SLC4A10: variants seen among roughly 807,000 people sequenced by gnomAD.
The protein encoded by SLC4A10 is solute carrier family 4 member 10.
Under a neutral mutation model 137.7 loss-of-function variants are expected in SLC4A10, and 42 were observed. That is an observed-to-expected ratio of 0.30 (90% CI 0.24 to 0.39). The LOEUF (loss-of-function observed/expected upper bound fraction) is 0.39. SLC4A10 is among the 10% of genes least tolerant of loss of function. SLC4A10 has a pLI of 1.00. For synonymous variants in SLC4A10, 474 were observed against 464.1 expected (o/e 1.02, Z -0.27); for missense variants, 925 against 1,355.0 (o/e 0.68, Z 4.98).
intron 26 of SLC4A10, among the ~76,000 whole-genome samples, chr2:161,982,398 T>C (rs937897361): frequency 6.6e-6 from 1 of 152,102 alleles, no homozygotes; most frequent in Non-Finnish European, 1.5e-5. Flanking sequence ...GTAAGAAAAG[T>C]GTACGATGGG....
chr2:161,632,422 C>A (rs1025084548), intron 1 of SLC4A10, among the ~76,000 whole-genome samples: 1 of 151,336 alleles, frequency 6.6e-6, no homozygotes, highest in Non-Finnish European at 1.5e-5. Context: ...AAGAAAAAAA[C>A]CCACCACATA....
chr2:161,974,391 G>A, intron 24 of SLC4A10, 75 bp downstream of exon 24: 3 of 1,186,184 alleles, frequency 2.5e-6, no homozygotes, highest in Non-Finnish European at 3.5e-6. Flanking sequence ...ATTTCATACT[G>A]TGTAGATCCT....
intron 1 of SLC4A10, among the ~76,000 whole-genome samples, chr2:161,702,477 A>G (rs942624564): frequency 3.3e-5 from 5 of 151,860 alleles, no homozygotes; most frequent in Non-Finnish European, 7.4e-5. Flanking sequence ...TGACACATTA[A>G]AAAATATTGT....
chr2:161,836,247 C>G (rs906961979), intron 3 of SLC4A10, among the ~76,000 whole-genome samples: 20 of 129,788 alleles, frequency 1.5e-4, no homozygotes, highest in Non-Finnish European at 2.9e-4. Context: ...CCTGTAATCC[C>G]AGCACTTTGG....
chr2:161,982,403 G>A (rs1327127972), intron 26 of SLC4A10, among the ~76,000 whole-genome samples: 2 of 152,168 alleles, frequency 1.3e-5, no homozygotes, highest in East Asian at 1.9e-4. Flanking sequence ...AAAAGTGTAC[G>A]ATGGGAAAAT....
intron 2 of SLC4A10, among the ~76,000 whole-genome samples, chr2:161,786,928 C>A (rs2053689869): frequency 6.6e-6 from 1 of 150,530 alleles, no homozygotes; most frequent in Non-Finnish European, 1.5e-5. Flanking sequence ...AGTTGCTTTG[C>A]AGTCTCAGTG....
chr2:161,866,570 A>T (rs1488134502), intron 6 of SLC4A10, among the ~76,000 whole-genome samples: 1 of 152,000 alleles, frequency 6.6e-6, no homozygotes, highest in African/African-American at 2.4e-5. Flanking sequence ...ATAAAAAGTG[A>T]CAGTTACATT....
rs113387138 is a variant in SLC4A10 at position 161,696,833 on chromosome 2, G to C, written c.48+72267G>C. 6.4e-3 allele frequency among the ~76,000 whole-genome samples: 980 copies of C among 152,244 alleles called. 8 individuals are homozygous for C. Among genetic ancestry groups the C allele is most frequent in the African/African-American group, 0.022 (932 of 41,540 alleles). Reference sequence around the variant, plus strand: ...TTGGTATATACCCAGCAATCCCATTGCTGGATCAAATGGTATTTCTAGTTC... The same window carrying C: ...TTGGTATATACCCAGCAATCCCATTCCTGGATCAAATGGTATTTCTAGTTC... On this transcript the variant is annotated intron_variant, in intron 1 of 26. Coordinates refer to ENST00000446997, the MANE Select transcript of SLC4A10 (RefSeq NM_001178015.2).
intron 1 of SLC4A10, among the ~76,000 whole-genome samples, chr2:161,728,457 T>C (rs2046463115): frequency 1.3e-5 from 2 of 152,108 alleles, no homozygotes; most frequent in South Asian, 4.2e-4. Flanking sequence ...GCCCCTGTAG[T>C]CCCAGCTACT....
intron 15 of SLC4A10, among the ~76,000 whole-genome samples, chr2:161,927,246 CTTTG>C (rs1259693743): frequency 6.6e-6 from 1 of 152,168 alleles, no homozygotes; most frequent in Non-Finnish European, 1.5e-5. Flanking sequence ...TTCTTGGAGG[CTTTG>C]TTTGTTTCTT....
At position 161,706,806 on chromosome 2, in the gene SLC4A10, C is replaced by T. The variant is rs1049879033; in HGVS notation, c.49-64167C>T. Among the ~76,000 whole-genome samples the T allele has an allele frequency of 2.0e-5, 3 of 151,566 alleles. No homozygotes were observed. In the South Asian group the frequency reaches 6.2e-4, roughly 31 times the overall value. Reference sequence around the variant, plus strand: ...ACTAGATCAGAATCTTCTGTTTTAACAGTACTTCCCTAAGGAAATCTTTTC... The same window carrying T: ...ACTAGATCAGAATCTTCTGTTTTAATAGTACTTCCCTAAGGAAATCTTTTC... On this transcript the variant is annotated intron_variant, in intron 1 of 26. Coordinates refer to ENST00000446997, the MANE Select transcript of SLC4A10 (RefSeq NM_001178015.2).
chr2:161,971,585 T>C (rs1698546367), intron 23 of SLC4A10, among the ~76,000 whole-genome samples: 1 of 152,230 alleles, frequency 6.6e-6, no homozygotes, highest in African/African-American at 2.4e-5. Flanking sequence ...GCTCTCGCTG[T>C]CTCTTTCTTC....
At chr2:161,750,504 G>C (rs1162656310) in intron 1 of SLC4A10, among the ~76,000 whole-genome samples, 1 of 151,624 alleles carries the variant, frequency 6.6e-6, no homozygotes, top group African/African-American at 2.4e-5. Flanking sequence ...GATTATTCAA[G>C]GATATGTTAT....
chr2:161,638,090 T>G (rs1373436500), intron 1 of SLC4A10, among the ~76,000 whole-genome samples: 1 of 152,150 alleles, frequency 6.6e-6, no homozygotes, highest in East Asian at 1.9e-4. Context: ...GTCTTTTTGC[T>G]CTGTTTATTG....
chr2:161,774,814 G>A (rs1339834799), intron 2 of SLC4A10, among the ~76,000 whole-genome samples: 1 of 151,830 alleles, frequency 6.6e-6, no homozygotes, highest in Non-Finnish European at 1.5e-5. Flanking sequence ...ATCCTTCAGT[G>A]TTGTTATTGC....
intron 10 of SLC4A10, among the ~76,000 whole-genome samples, chr2:161,886,235 C>T (rs1356262912): frequency 6.6e-6 from 1 of 152,038 alleles, no homozygotes; most frequent in African/African-American, 2.4e-5. Flanking sequence ...TAACAGTTTC[C>T]TCTCTCTTCT....
chr2:161,725,121 G>A (rs763458138), intron 1 of SLC4A10, among the ~76,000 whole-genome samples: 3 of 152,170 alleles, frequency 2.0e-5, no homozygotes, highest in Non-Finnish European at 4.4e-5. Flanking sequence ...TTGAACACTA[G>A]TAGGAATTCA....
intron 23 of SLC4A10, among the ~76,000 whole-genome samples, chr2:161,965,526 T>G (rs2105917457): frequency 6.6e-6 from 1 of 152,324 alleles, no homozygotes; most frequent in South Asian, 2.1e-4. Flanking sequence ...GATTGTTTTT[T>G]TGTTACATAT....
intron 24 of SLC4A10, among the ~76,000 whole-genome samples, chr2:161,975,523 A>G (rs1374504934): frequency 2.0e-5 from 3 of 152,196 alleles, no homozygotes; most frequent in Non-Finnish European, 4.4e-5. Flanking sequence ...ATTCCACATG[A>G]TGCTTTTTTT....
Sources: gnomAD v4.1 joint callset for allele counts (sites outside exome capture counted in the v4.1 genomes callset) on GRCh38, gnomAD v4.1.1 for gene constraint, MANE v1.5 for transcripts, NCBI Gene and HGNC (gene_info 2026-07-23, HGNC 2026-07-21) for gene names.